Variants in CLCF1 observed in about 807,000 individuals in gnomAD.
CLCF1 encodes cardiotrophin like cytokine factor 1, also known as cardiotrophin-like cytokine factor 1.
In CLCF1, 10 loss-of-function variants were observed where a neutral mutation model predicts 21.2. That is an observed-to-expected ratio of 0.47 (90% CI 0.29 to 0.80). The LOEUF is 0.80. Ranked by LOEUF, CLCF1 falls within the 30% of genes least tolerant of loss-of-function variation. The pLI, the probability that CLCF1 is intolerant of heterozygous loss-of-function variation, is 0.09. For synonymous variants in CLCF1, 115 were observed against 120.5 expected (o/e 0.95, Z 0.30); for missense variants, 240 against 293.4 (o/e 0.82, Z 1.33).
At position 67,365,162 on chromosome 11, in the gene CLCF1, G is replaced by C; in HGVS notation, c.652C>G (p.Leu218Val). ...CAGAAGCCATGAGCCCCCAGGTGCA[G>C]GGTGACTGCAGCTGCTGGAGGCTGC... The part of the protein sequence containing the change: ...KMQPPAAAVT[L>V]HLGAHGF The change falls in exon 3 of 3, where the codon CTG (leucine) becomes GTG (valine). Residue 218 changes from leucine to valine, a missense_variant. Physicochemically the swap from Leu to Val is conservative, Grantham distance 32. Transcript: ENST00000312438. This position sits in a 1 kb window ranked among gnomAD's most constrained non-coding sequence, Gnocchi z 5.0. The C allele has an allele frequency of 1.2e-6, 2 of 1,614,010 alleles. No homozygotes were observed. Among genetic ancestry groups the C allele is most frequent in the East Asian group, 4.5e-5 (2 of 44,886 alleles).
chr11:67,369,456 A>G, intron 1 of CLCF1: 1 of 984,570 alleles, frequency 1.0e-6, no homozygotes, highest in Non-Finnish European at 1.2e-6. Context: ...TGCTTTCCTC[A>G]CTCTTCCTTT....
At chr11:67,367,761 G>A (rs1329391020) in intron 1 of CLCF1, 135 bp from the exon 2 acceptor site, 51 of 1,512,680 alleles carry the variant, frequency 3.4e-5, no homozygotes, top group Non-Finnish European at 4.1e-5. Flanking sequence ...GGAGGCAGAG[G>A]GGATGGAGGA....
rs2134874530 is a variant in CLCF1 at position 67,365,723 on chromosome 11, T to G, written c.184-93A>C. The G allele has an allele frequency of 1.3e-6, 2 of 1,505,686 alleles. No homozygotes were observed. The highest frequency in any genetic ancestry group is 1.4e-5 in the South Asian group (1 of 73,584). 93.3% of individuals were successfully genotyped at this position (1,505,686 alleles called of 1,614,324 possible). A position where few individuals can be genotyped will look rare whatever the true frequency, so the allele number is the denominator to read the frequency against. On this transcript the variant is annotated intron_variant, in intron 2 of 2. Transcript: ENST00000312438. The surrounding 1 kb of genome is among the most constrained non-coding windows in gnomAD (Gnocchi z 5.0). ...CTGCTCCCAAAGTTTCTATTTTTTG[T>G]GTCCCCTGACACTGGCCCTGTCTCC...
intron 1 of CLCF1, chr11:67,370,386 C>A (rs915799167): frequency 2.0e-6 from 2 of 984,342 alleles, no homozygotes; most frequent in Non-Finnish European, 2.4e-6. Flanking sequence ...CCCTCTCCCC[C>A]TCCCCACCAG....
In CLCF1 at chr11:67,372,946, G is replaced by A. The variant is rs1395679734; in HGVS notation, c.16+578C>T. Among the ~76,000 whole-genome samples, 2 of 150,048 alleles carry A rather than the reference G, an allele frequency of 1.3e-5. No homozygotes were observed. Among genetic ancestry groups the A allele is most frequent in the South Asian group, 2.1e-4 (1 of 4,790 alleles). On this transcript the variant is annotated intron_variant, in intron 1 of 2. Coordinates refer to ENST00000312438, the MANE Select transcript of CLCF1 (RefSeq NM_013246.3). The surrounding 1 kb of genome is among the most constrained non-coding windows in gnomAD (Gnocchi z 5.9). ...TAGCTAGGAAGCCGCGAGTCCCGCG[G>A]CGCGGCTCGGCCCGTCCGGCCCGGC... is the stretch of plus-strand genomic sequence containing the variant.
intron 2 of CLCF1, among the ~76,000 whole-genome samples, chr11:67,366,541 G>C (rs772640063): frequency 3.9e-5 from 6 of 152,128 alleles, no homozygotes; most frequent in Non-Finnish European, 5.9e-5. Context: ...GCATGGTATA[G>C]GGAAGAGGGC....
At position 67,365,644 on chromosome 11, in the gene CLCF1, A is replaced by G. The variant is rs200464690; in HGVS notation, c.184-14T>C. The stretch of plus-strand genomic sequence containing the variant: ...CAGGTAGTTCAGCTGTGAAAAGGAG[A>G]GGGTGATGGGGAAGGAGGAGGGCAG... On this transcript the variant is annotated splice_polypyrimidine_tract_variant and intron_variant, in intron 2 of 2. Coordinates refer to ENST00000312438, the MANE Select transcript of CLCF1 (RefSeq NM_013246.3). The surrounding 1 kb of genome is among the most constrained non-coding windows in gnomAD (Gnocchi z 5.0). 23 of 1,597,984 alleles carry G rather than the reference A, an allele frequency of 1.4e-5. No homozygotes were observed. The South Asian group carries it at 2.3e-4, about 16-fold the overall frequency.
chr11:67,367,424 C>T (rs1490207039), intron 2 of CLCF1, 36 bp downstream of exon 2: 8 of 1,613,974 alleles, frequency 5.0e-6, no homozygotes, highest in Non-Finnish European at 5.9e-6. Flanking sequence ...CTCCTCACTC[C>T]TCCCCAACTC....
upstream of CLCF1, chr11:67,373,727 T>G: frequency 8.3e-7 from 1 of 1,211,692 alleles, no homozygotes; most frequent in Non-Finnish European, 1.0e-6. Context: ...TTTTTTTTTT[T>G]TCTGACGTGT....
In CLCF1 at chr11:67,367,500, C is replaced by G; in HGVS notation, c.143G>C (p.Arg48Pro). Residue 48 changes from arginine to proline, a missense_variant, in exon 2 of 3, where the codon CGC becomes CCC. Coordinates refer to ENST00000312438, the MANE Select transcript of CLCF1 (RefSeq NM_013246.3). ...GCTGCGGAGTTGGTGCTCCAGGTAGCGGGTGAGGTCATAGGTTTTCTGGAT... is the reference window on the plus strand; with the variant it reads ...GCTGCGGAGTTGGTGCTCCAGGTAGGGGGTGAGGTCATAGGTTTTCTGGAT... ...PSIQKTYDLT[R>P]YLEHQLRSLA... 1.9e-6 allele frequency: 3 copies of G among 1,614,200 alleles called. No individual in the cohort carries two copies. The highest frequency in any genetic ancestry group is 2.5e-6 in the Non-Finnish European group (3 of 1,180,010).
intron 1 of CLCF1, chr11:67,369,552 G>C (rs892986350): frequency 2.0e-6 from 2 of 985,292 alleles, no homozygotes; most frequent in African/African-American, 3.5e-5. Context: ...GGATCTGGCA[G>C]TCACCTCTAG....
intron 1 of CLCF1, chr11:67,368,916 T>TTTC: frequency 3.4e-6 from 3 of 876,316 alleles, no homozygotes; most frequent in Non-Finnish European, 4.0e-6. Flanking sequence ...TTTTTCCTTT[T>TTTC]TTTTTTTTTT....
chr11:67,368,657 C>T (rs1480164029), intron 1 of CLCF1: 2 of 985,242 alleles, frequency 2.0e-6, no homozygotes, highest in African/African-American at 3.5e-5. Context: ...GGTTTAAGGA[C>T]TGGGTTACTT....
At chr11:67,366,222 G>A (rs1862095031) in intron 2 of CLCF1, among the ~76,000 whole-genome samples, 1 of 152,188 alleles carries the variant, frequency 6.6e-6, no homozygotes, top group Non-Finnish European at 1.5e-5. Flanking sequence ...TGGAGGCAGA[G>A]GGTGTAGACC....
At chr11:67,370,413 G>A (rs1490232987) in intron 1 of CLCF1, 13 of 376,578 alleles carry the variant, frequency 3.5e-5, no homozygotes, top group Admixed American at 1.3e-4. Context: ...CCCCCAGCCC[G>A]GCCCCCGCCC....
intron 1 of CLCF1, chr11:67,369,815 AC>A (rs1862191226): frequency 1.0e-6 from 1 of 985,114 alleles, no homozygotes; most frequent in Non-Finnish European, 1.2e-6. Context: ...CTCAGAACTT[AC>A]CCTCTCCCAT....
chr11:67,373,018 C>G (rs1285872506), intron 1 of CLCF1, among the ~76,000 whole-genome samples: 7 of 150,532 alleles, frequency 4.7e-5, no homozygotes, highest in African/African-American at 1.5e-4. Context: ...CGCCGCCCGC[C>G]CTTCCTCCCG....
chr11:67,370,291 T>G, intron 1 of CLCF1: 2 of 985,232 alleles, frequency 2.0e-6, no homozygotes, highest in South Asian at 9.4e-5. Context: ...GAGTGCGTGG[T>G]GGGCTTCCTG....
intron 1 of CLCF1, chr11:67,369,271 G>A: frequency 1.0e-6 from 1 of 985,398 alleles, no homozygotes; most frequent in Non-Finnish European, 1.2e-6. Flanking sequence ...GCTTTACTAA[G>A]GGAGCGTGGC....
Sources: gnomAD v4.1 joint callset for allele counts (sites outside exome capture counted in the v4.1 genomes callset) on GRCh38, gnomAD v4.1.1 for gene constraint, Gnocchi (gnomAD v3.1) non-coding constraint, MANE v1.5 for transcripts, NCBI Gene and HGNC (gene_info 2026-07-23, HGNC 2026-07-21) for gene names.